Variants in GLIPR1 observed in about 807,000 individuals in gnomAD.
GLIPR1 encodes the protein glioma pathogenesis-related protein 1.
A neutral mutation model predicts 30.3 loss-of-function variants in GLIPR1; 38 were observed. That is an observed-to-expected ratio of 1.26 (90% confidence interval 0.97 to 1.65). GLIPR1 has a LOEUF of 1.65. Among genes scored for constraint, GLIPR1 ranks in the 40% most tolerant of loss-of-function variants. The pLI, the probability that GLIPR1 is intolerant of heterozygous loss-of-function variation, is 0.00. For synonymous variants in GLIPR1, 122 were observed against 110.6 expected (o/e 1.10, Z -0.65); for missense variants, 285 against 326.5 (o/e 0.87, Z 0.98).
intron 2 of GLIPR1, chr12:75,487,724 C>G: frequency 2.2e-6 from 1 of 454,942 alleles, no homozygotes; most frequent in South Asian, 1.6e-5. Context: ...GCCTCACTTC[C>G]TACTCTCCCT....
At chr12:75,490,553 C>CG in intron 3 of GLIPR1, 35 bp downstream of exon 3, 1 of 69,040 alleles carries the variant, frequency 1.4e-5, no homozygotes, top group East Asian at 4.2e-4. Context: ...ATAGGAAACG[C>CG]CCCCCCCCCC....
chr12:75,492,478 G>A (rs1440416975), intron 3 of GLIPR1: 1 of 152,176 alleles, frequency 6.6e-6, no homozygotes, highest in East Asian at 1.9e-4. Flanking sequence ...ATAGATCAGG[G>A]TTACAGGACC....
chr12:75,488,049 C>T (rs1364862300), intron 2 of GLIPR1, among the ~76,000 whole-genome samples: 2 of 152,122 alleles, frequency 1.3e-5, no homozygotes, highest in African/African-American at 4.8e-5. Context: ...AGTGAGGACA[C>T]CAGAGTCACA....
chr12:75,503,524 G>A lies in GLIPR1; in HGVS notation c.*4546G>A, dbSNP rs531041835. On this transcript the variant is annotated 3_prime_UTR_variant, in exon 6 of 6. Transcript: ENST00000266659. ...AAAAGGAATCATAACTTAGAAAAACGGTGGGTGTTACAATTTACAATTTAA... is the reference window on the plus strand; with the variant it reads ...AAAAGGAATCATAACTTAGAAAAACAGTGGGTGTTACAATTTACAATTTAA... The A allele has an allele frequency of 6.5e-6, 1 of 154,882 alleles. No homozygotes were observed. The highest frequency in any genetic ancestry group is 1.4e-5 in the Non-Finnish European group (1 of 69,876). The allele number at this position is 154,882 out of a possible 1,614,324, so 9.6% of individuals were successfully genotyped here. A position where few individuals can be genotyped will look rare whatever the true frequency, so the allele number is the denominator to read the frequency against.
Position 75,500,059 on chromosome 12 carries a change from T to A in GLIPR1, c.*1081T>A. On this transcript the variant is annotated 3_prime_UTR_variant, in exon 6 of 6. Coordinates refer to ENST00000266659, the MANE Select transcript of GLIPR1 (RefSeq NM_006851.3). ...ATGTTTAAGGCAGTTAACTTCAGAGTATTCTTATAATTGAATAATTGAAAG... is the reference window on the plus strand; with the variant it reads ...ATGTTTAAGGCAGTTAACTTCAGAGAATTCTTATAATTGAATAATTGAAAG... The A allele has an allele frequency of 1.3e-6, 1 of 794,440 alleles. No homozygotes were observed. The highest frequency in any genetic ancestry group is 3.1e-5 in the East Asian group (1 of 32,216). 49.2% of individuals were successfully genotyped at this position (794,440 alleles called of 1,614,324 possible). A position where few individuals can be genotyped will look rare whatever the true frequency, so the allele number is the denominator to read the frequency against.
intron 4 of GLIPR1, 188 bp downstream of exon 4, chr12:75,495,850 G>T: frequency 2.4e-6 from 1 of 412,702 alleles, no homozygotes; most frequent in Non-Finnish European, 4.4e-6. Flanking sequence ...TGAAAATCAC[G>T]TTCTTTTTAT....
Position 75,498,701 on chromosome 12 carries a change from A to T in GLIPR1, c.627A>T (p.Arg209=), listed in dbSNP as rs144968885. The change falls in exon 5 of 6, where the codon CGA becomes CGT. Residue 209 remains arginine (R), a synonymous_variant. Coordinates refer to ENST00000266659, the MANE Select transcript of GLIPR1 (RefSeq NM_006851.3). ...DKCLDNLCVN[R]QRDQVKRYYS... is the part of the protein sequence containing the mutation. ...TTCCCCCTAACTTTACAGTTAACCG[A>T]CAGCGAGACCAAGTCAAACGTACGT... 7,585 of 1,612,690 alleles carry T rather than the reference A, an allele frequency of 4.7e-3. 25 individuals are homozygous for T. The highest frequency in any genetic ancestry group is 5.8e-3 in the Non-Finnish European group (6,788 of 1,178,896).
rs1203860541 is a variant in GLIPR1, at chr12:75,501,546, A to G, written c.*2568A>G. 3.5e-6 allele frequency: 2 copies of G among 573,338 alleles called. No individual in the cohort carries two copies. Among genetic ancestry groups the G allele is most frequent in the Non-Finnish European group, 6.1e-6 (2 of 325,450 alleles). The allele number at this position is 573,338 out of a possible 1,614,324, so 35.5% of individuals were successfully genotyped here. A position where few individuals can be genotyped will look rare whatever the true frequency, so the allele number is the denominator to read the frequency against. ...TCCAGTTTGCACTGAAATAGGCATT[A>G]GCTGCCTCTAAATTATAAATTATCT... On this transcript the variant is annotated 3_prime_UTR_variant, in exon 6 of 6. Coordinates refer to ENST00000266659, the MANE Select transcript of GLIPR1 (RefSeq NM_006851.3).
At chr12:75,483,361 AT>A (rs1445700001) in intron 2 of GLIPR1, 1 of 152,120 alleles carries the variant, frequency 6.6e-6, no homozygotes, top group African/African-American at 2.4e-5. Context: ...ACTTTCATTT[AT>A]TTATTAGTCA....
rs1454021852 is a variant in GLIPR1 at position 75,502,658 on chromosome 12, C to CA, written c.*3680_*3681insA. The CA allele has an allele frequency of 6.6e-6, 1 of 152,044 alleles. No individual in the cohort carries two copies. Among genetic ancestry groups the CA allele is most frequent in the Non-Finnish European group, 1.5e-5 (1 of 67,968 alleles). 9.4% of individuals were successfully genotyped at this position (152,044 alleles called of 1,614,324 possible). On this transcript the variant is annotated 3_prime_UTR_variant, in exon 6 of 6. Transcript: ENST00000266659. The stretch of plus-strand genomic sequence containing the variant: ...AAGATAGGTATTACCATTACTCCCA[C>CA]TTTAGGTATGGGGAAACTTAAGTAT...
At position 75,481,951 on chromosome 12, in the gene GLIPR1, G is replaced by C. The variant is rs377252118; in HGVS notation, c.292G>C (p.Glu98Gln). The change falls in exon 2 of 6, where the codon GAG (glutamate) becomes CAG (glutamine). Residue 98 changes from glutamate to glutamine, a missense_variant. By Grantham distance (29) the Glu-to-Gln change is conservative (BLOSUM62 2). Coordinates refer to ENST00000266659, the MANE Select transcript of GLIPR1 (RefSeq NM_006851.3). ...KLHPNFTSLG[E>Q]NIWTGSVPIF... ...GCACCCAAACTTCACTTCACTGGGA[G>C]AGAACATCTGGACTGGGTCTGTGCC... 6.2e-7 allele frequency: 1 copy of C among 1,614,194 alleles called. No individual in the cohort carries two copies.
In GLIPR1 at chr12:75,482,072, A is replaced by G; in HGVS notation, c.413A>G (p.Tyr138Cys). ...ATATGCAAAAAAGTCTGTGGCCACT[A>G]CACTCAGGTAAGGATCTGCCCTATA... ...TRICKKVCGHYTQVVWADSYK... is the reference protein window; with the variant it reads ...TRICKKVCGHCTQVVWADSYK... Residue 138 changes from tyrosine to cysteine, a missense_variant, in exon 2 of 6, where the codon TAC becomes TGC. Physicochemically the swap from Tyr to Cys is radical, Grantham distance 194. Transcript: ENST00000266659. 6.2e-7 allele frequency: 1 copy of G among 1,613,636 alleles called. No homozygotes were observed. Among genetic ancestry groups the G allele is most frequent in the Non-Finnish European group, 8.5e-7 (1 of 1,179,528 alleles).
chr12:75,498,774 T>C (rs1432887802), intron 5 of GLIPR1, 50 bp from the exon 6 acceptor site: 2 of 1,606,632 alleles, frequency 1.2e-6, no homozygotes, highest in Non-Finnish European at 1.7e-6. Flanking sequence ...ATTCTGTCAG[T>C]GCATTATGAG....
At chr12:75,495,784 A>G (rs532846797) in intron 4 of GLIPR1, 122 bp downstream of exon 4, 2 of 605,202 alleles carry the variant, frequency 3.3e-6, no homozygotes, top group East Asian at 2.8e-5. Flanking sequence ...GGCATCAAGT[A>G]GCAATTAAAC....
chr12:75,496,024 GAC>G (rs1279898022), intron 4 of GLIPR1: 16 of 130,708 alleles, frequency 1.2e-4, no homozygotes, highest in African/African-American at 4.7e-4. Flanking sequence ...TTTTTTTTGA[GAC>G]AGAGTCTTGC....
chr12:75,490,249 C>G (rs1474225093), intron 2 of GLIPR1, among the ~76,000 whole-genome samples, 157 bp from the exon 3 acceptor site: 1 of 148,210 alleles, frequency 6.7e-6, no homozygotes, highest in Non-Finnish European at 1.5e-5. Context: ...ATAATGGTAA[C>G]TACAGGTCTA....
chr12:75,481,145 GA>G (rs1160436819), intron 1 of GLIPR1, 91 bp downstream of exon 1: 19 of 897,152 alleles, frequency 2.1e-5, no homozygotes, highest in Non-Finnish European at 3.0e-5. Flanking sequence ...AATACTGAAT[GA>G]TTTTTTTTTC....
At chr12:75,483,132 A>G (rs1422300502) in intron 2 of GLIPR1, among the ~76,000 whole-genome samples, 2 of 152,208 alleles carry the variant, frequency 1.3e-5, no homozygotes, top group African/African-American at 4.8e-5. Context: ...ACAAAAAATT[A>G]TTATAAGAGT....
In GLIPR1 at chr12:75,501,439, G is replaced by A. The variant is rs188677637; in HGVS notation, c.*2461G>A. The stretch of plus-strand genomic sequence containing the variant: ...ATCTTCTTGCATTTCTACAGAAGAT[G>A]CACTGGCTGCCCTGGGTTTGTATCT... On this transcript the variant is annotated 3_prime_UTR_variant, in exon 6 of 6. Transcript: ENST00000266659. 3.4e-6 allele frequency: 1 copy of A among 293,180 alleles called. No individual in the cohort carries two copies. Among genetic ancestry groups the A allele is most frequent in the African/African-American group, 2.2e-5 (1 of 45,826 alleles). 18.2% of individuals were successfully genotyped at this position (293,180 alleles called of 1,614,324 possible). A position where few individuals can be genotyped will look rare whatever the true frequency, so the allele number is the denominator to read the frequency against.
Sources: allele counts gnomAD v4.1 joint callset (sites outside exome capture counted in the v4.1 genomes callset), GRCh38; gene constraint gnomAD v4.1.1; transcripts MANE v1.5; gene names NCBI Gene and HGNC (gene_info 2026-07-23, HGNC 2026-07-21).